The following SPTBN2 variants were observed in gnomAD, a reference collection of about 807,000 sequenced individuals.
The protein encoded by SPTBN2 is spectrin beta, non-erythrocytic 2, also known as spectrin beta chain, non-erythrocytic 2.
A neutral mutation model predicts 284.2 loss-of-function variants in SPTBN2; 107 were observed. The ratio of observed to expected loss-of-function variants is 0.38; its 90% CI spans 0.32 to 0.44. The LOEUF (loss-of-function observed/expected upper bound fraction) is 0.44, where lower values mean the gene tolerates loss of function less well. Among genes scored for constraint, SPTBN2 ranks in the 20% least tolerant of loss-of-function variants. SPTBN2 has a pLI of 1.00. For synonymous variants in SPTBN2, 1,289 were observed against 1,354.8 expected (o/e 0.95, Z 1.07); for missense variants, 2,569 against 3,287.1 (o/e 0.78, Z 5.34).
intron 13 of SPTBN2, among the ~76,000 whole-genome samples, chr11:66,706,492 A>C (rs940659669): frequency 6.6e-6 from 1 of 151,912 alleles, no homozygotes; most frequent in Non-Finnish European, 1.5e-5. Context: ...CACCACACTC[A>C]GCTAATTTTT....
At chr11:66,723,090 C>CT (rs1565159589) in intron 1 of SPTBN2, among the ~76,000 whole-genome samples, 1 of 152,010 alleles carries the variant, frequency 6.6e-6, no homozygotes, top group African/African-American at 2.4e-5. Flanking sequence ...GCCGTGGCTC[C>CT]TGCCTAGGGC....
intron 27 of SPTBN2, 196 bp from the exon 28 acceptor site, chr11:66,690,479 C>T (rs1940467238): frequency 2.9e-6 from 2 of 698,316 alleles, no homozygotes; most frequent in Non-Finnish European, 2.3e-6. Context: ...CTCATCTAGA[C>T]ACCTGGGCTT....
At position 66,701,676 on chromosome 11, in the gene SPTBN2, G is replaced by A. The variant is rs1485993538; in HGVS notation, c.2724C>T (p.Ile908=). 29 of 1,613,964 alleles carry A rather than the reference G, an allele frequency of 1.8e-5. No individual in the cohort carries two copies. Among genetic ancestry groups the A allele is most frequent in the Non-Finnish European group, 2.1e-5 (25 of 1,180,026 alleles). The change falls in exon 16 of 38, where the codon ATC becomes ATT. Residue 908 remains isoleucine, a synonymous_variant. Coordinates refer to ENST00000533211, the MANE Select transcript of SPTBN2 (RefSeq NM_006946.4). ...EPEMNTLAAQ[I]TAVNDIAEQL... Reference sequence around the variant, plus strand: ...GCTCGGCAATGTCATTCACCGCGGTGATTTGTGCTGCAAGGGTGTTCATTT... The same window carrying A: ...GCTCGGCAATGTCATTCACCGCGGTAATTTGTGCTGCAAGGGTGTTCATTT...
intron 18 of SPTBN2, 46 bp downstream of exon 18, chr11:66,699,360 C>T (rs190679868): frequency 1.0e-5 from 16 of 1,604,684 alleles, no homozygotes; most frequent in East Asian, 2.2e-5. Flanking sequence ...CCTGTTTCTC[C>T]GATTCCCCCC....
chr11:66,743,137 C>CGG (rs1942911614), intron 1 of SPTBN2, among the ~76,000 whole-genome samples: 1 of 50,316 alleles, frequency 2.0e-5, no homozygotes. Flanking sequence ...GGGAGCTCTG[C>CGG]GGGGGGTGTG....
At position 66,692,591 on chromosome 11, in the gene SPTBN2, T is replaced by C. The variant is rs778696426; in HGVS notation, c.5135A>G (p.Glu1712Gly). The change falls in exon 26 of 38, where the codon GAG becomes GGG. Residue 1712 changes from glutamate to glycine, a missense_variant. By Grantham distance (98) the Glu-to-Gly change is moderately conservative (BLOSUM62 -2). Around this residue, in one of 6 missense-constraint regions of SPTBN2, gnomAD observed 1,130 missense variants for 1,317.3 expected, o/e 0.86. Coordinates refer to ENST00000533211, the MANE Select transcript of SPTBN2 (RefSeq NM_006946.4). ...ELDDLEQWIQ[E>G]REVVAASHEL... The stretch of plus-strand genomic sequence containing the variant: ...GTGGGAGGCCGCCACCACCTCGCGC[T>C]CCTGGATCCACTGTTCCAGGTCATC... The C allele has an allele frequency of 1.2e-6, 2 of 1,606,726 alleles. No individual in the cohort carries two copies. Among genetic ancestry groups the C allele is most frequent in the Admixed American group, 3.3e-5 (2 of 60,022 alleles).
rs1205914953 is a variant in SPTBN2, at chr11:66,685,748, G to A, written c.*123C>T. The A allele has an allele frequency of 5.6e-5, 50 of 885,914 alleles. No individual in the cohort carries two copies. Among genetic ancestry groups the A allele is most frequent in the Non-Finnish European group, 1.8e-5 (10 of 541,926 alleles). 54.9% of individuals were successfully genotyped at this position (885,914 alleles called of 1,614,324 possible). On this transcript the variant is annotated 3_prime_UTR_variant, in exon 38 of 38. Coordinates refer to ENST00000533211, the MANE Select transcript of SPTBN2 (RefSeq NM_006946.4). This position sits in a 1 kb window ranked among gnomAD's most constrained non-coding sequence, Gnocchi z 4.4. ...TCCCCAGTGACAGTTCCTGGTGATG[G>A]GTTGACCTTGGCAACAGACCCTAGC...
In SPTBN2 at chr11:66,715,028, C is replaced by T. The variant is rs1942072711; in HGVS notation, c.483+194G>A. Reference sequence around the variant, plus strand: ...ATTTGCCACAGGGGTGTGACATTCACCCAAGCTGGTTTCTACCCTGCTGAA... The same window carrying T: ...ATTTGCCACAGGGGTGTGACATTCATCCAAGCTGGTTTCTACCCTGCTGAA... On this transcript the variant is annotated intron_variant, in intron 5 of 37. Transcript: ENST00000533211. The surrounding 1 kb of genome is among the most constrained non-coding windows in gnomAD (Gnocchi z 5.3). Among the ~76,000 whole-genome samples, 1 of 152,230 alleles carries T rather than the reference C, an allele frequency of 6.6e-6. No individual in the cohort carries two copies. The highest frequency in any genetic ancestry group is 2.4e-5 in the African/African-American group (1 of 41,466).
intron 22 of SPTBN2, 112 bp downstream of exon 22, chr11:66,694,027 G>T: frequency 1.4e-6 from 2 of 1,416,774 alleles, no homozygotes; most frequent in Non-Finnish European, 9.8e-7. Context: ...GATGGTCAAT[G>T]CCAAAGAGAA....
At chr11:66,697,417 C>T (rs750127755) in intron 20 of SPTBN2, among the ~76,000 whole-genome samples, 14 of 152,172 alleles carry the variant, frequency 9.2e-5, no homozygotes, top group Non-Finnish European at 1.9e-4. Context: ...ACAATCAACA[C>T]TTGGAAGCAC....
chr11:66,721,440 C>G lies in SPTBN2; in HGVS notation c.-113G>C. The G allele has an allele frequency of 1.5e-6, 1 of 682,134 alleles. No homozygotes were observed. Among genetic ancestry groups the G allele is most frequent in the Non-Finnish European group, 2.6e-6 (1 of 387,072 alleles). The allele number at this position is 682,134 out of a possible 1,614,324, so 42.3% of individuals were successfully genotyped here. ...GGAAGAGGGGAAGCCACCTGGGAAG[C>G]CTGGGGACGGGAATACATCAGAAGC... is the stretch of plus-strand genomic sequence containing the variant. On this transcript the variant is annotated splice_region_variant and 5_prime_UTR_variant, in exon 2 of 38. Transcript: ENST00000533211.
intron 8 of SPTBN2, chr11:66,713,064 TTC>T (rs1941958710): frequency 6.4e-6 from 1 of 156,626 alleles, no homozygotes; most frequent in African/African-American, 2.4e-5. Context: ...TAGAGACCAA[TTC>T]TCTCTTTTAA....
In SPTBN2 at chr11:66,694,280, CTGGTCCTCCTGGGCCAGTGCTT is replaced by C; in HGVS notation, c.4340_4361del (p.Lys1447ArgfsTer51). The C allele has an allele frequency of 3.1e-6, 5 of 1,614,256 alleles. No homozygotes were observed. The highest frequency in any genetic ancestry group is 4.2e-6 in the Non-Finnish European group (5 of 1,180,046). On this transcript the variant is annotated frameshift_variant, in exon 22 of 38. Transcript: ENST00000533211. LOFTEE classifies it high-confidence loss of function. ...AGGTTCTCTCCACCTCCCCTGCACC[CTGGTCCTCCTGGGCCAGTGCTT>C]TGGCCTGGGCCTGGATTGCCTCCAC...
At position 66,715,676 on chromosome 11, in the gene SPTBN2, T is replaced by A. The variant is rs1014064408; in HGVS notation, c.309+154A>T. Among the ~76,000 whole-genome samples, 2 of 152,210 alleles carry A rather than the reference T, an allele frequency of 1.3e-5. No homozygotes were observed. Among genetic ancestry groups the A allele is most frequent in the African/African-American group, 4.8e-5 (2 of 41,454 alleles). ...AAGCAATGCTCCTATGTAATCTAAG[T>A]GGCAAAGGCACTTGAAATGAACCCA... On this transcript the variant is annotated intron_variant, in intron 4 of 37. Transcript: ENST00000533211. The surrounding 1 kb of genome is among the most constrained non-coding windows in gnomAD (Gnocchi z 5.3).
intron 3 of SPTBN2, 138 bp downstream of exon 3, chr11:66,720,946 C>T: frequency 8.5e-7 from 1 of 1,173,186 alleles, no homozygotes. Flanking sequence ...GATGTGGGGA[C>T]CAGGGAATTG....
chr11:66,692,393 C>A, intron 26 of SPTBN2, 143 bp downstream of exon 26: 1 of 972,152 alleles, frequency 1.0e-6, no homozygotes, highest in Non-Finnish European at 1.6e-6. Context: ...TCATATACCT[C>A]AAAACCAGGA....
chr11:66,704,961 C>T lies in SPTBN2; in HGVS notation c.2315G>A (p.Ser772Asn). ...WLVDALRLVSSPELGHDEFST... is the reference protein window; with the variant it reads ...WLVDALRLVSNPELGHDEFST... Reference sequence around the variant, plus strand: ...GAACTCGTCGTGCCCCAGCTCGGGGCTGGACACCAGGCGCAGTGCGTCAAC... The same window carrying T: ...GAACTCGTCGTGCCCCAGCTCGGGGTTGGACACCAGGCGCAGTGCGTCAAC... Residue 772 changes from serine to asparagine, a missense_variant, in exon 15 of 38, where the codon AGC (serine) becomes AAC (asparagine). Ser to Asn is a conservative substitution (Grantham distance 46). Transcript: ENST00000533211. The T allele has an allele frequency of 6.2e-7, 1 of 1,609,576 alleles. No homozygotes were observed. Among genetic ancestry groups the T allele is most frequent in the Non-Finnish European group, 8.5e-7 (1 of 1,179,880 alleles).
At position 66,690,361 on chromosome 11, in the gene SPTBN2, T is replaced by G; in HGVS notation, c.5566-78A>C. 2.7e-6 allele frequency: 4 copies of G among 1,465,224 alleles called. No individual in the cohort carries two copies. The African/African-American group carries it at 5.6e-5, about 21-fold the overall frequency. 90.8% of individuals were successfully genotyped at this position (1,465,224 alleles called of 1,614,324 possible). ...AGCCTGCCTCAGTCCTGGCTGCCAC[T>G]CTCACCTCCTGCCTGTCTCACAGCC... is the stretch of plus-strand genomic sequence containing the variant. On this transcript the variant is annotated intron_variant, in intron 27 of 37. Transcript: ENST00000533211.
intron 10 of SPTBN2, among the ~76,000 whole-genome samples, chr11:66,709,455 G>A (rs1242868891): frequency 2.0e-5 from 3 of 152,248 alleles, no homozygotes; most frequent in Non-Finnish European, 4.4e-5. Context: ...TGGGATTACA[G>A]GCATGAGCCA....
Sources: gnomAD v4.1 joint callset for allele counts (sites outside exome capture counted in the v4.1 genomes callset) on GRCh38, gnomAD v4.1.1 for gene constraint, gnomAD v4.1.1 regional missense constraint, Gnocchi (gnomAD v3.1) non-coding constraint, MANE v1.5 for transcripts, NCBI Gene and HGNC (gene_info 2026-07-23, HGNC 2026-07-21) for gene names.